Variants in PIEZO2 observed in about 807,000 individuals in gnomAD.
The protein encoded by PIEZO2 is piezo type mechanosensitive ion channel component 2, also known as piezo-type mechanosensitive ion channel component 2.
A neutral mutation model predicts 337.3 loss-of-function variants in PIEZO2; 172 were observed. That is an observed-to-expected ratio of 0.51 (90% CI 0.45 to 0.58). The LOEUF (loss-of-function observed/expected upper bound fraction) is 0.58. PIEZO2 is among the 20% of genes least tolerant of loss of function. The pLI is 0.00. For synonymous variants in PIEZO2, 1,251 were observed against 1,228.5 expected, an observed-to-expected ratio of 1.02 and a Z score of -0.38; for missense variants, 3,028 against 3,391.3, an observed-to-expected ratio of 0.89 and a Z score of 2.66.
chr18:10,727,017 G>C lies in PIEZO2; in HGVS notation c.5029+4390C>G. The C allele has an allele frequency of 1.2e-6, 1 of 819,054 alleles. No individual in the cohort carries two copies. Among genetic ancestry groups the C allele is most frequent in the Non-Finnish European group, 1.9e-6 (1 of 537,820 alleles). 50.7% of individuals were successfully genotyped at this position (819,054 alleles called of 1,614,324 possible). A position where few individuals can be genotyped will look rare whatever the true frequency, so the allele number is the denominator to read the frequency against. ...CCCAGAACATGAAGCTGTTTGCTCT[G>C]TGCTTCCACGGTCTGGGTGTTTCTT... is the stretch of plus-strand genomic sequence containing the variant. On this transcript the variant is annotated intron_variant, in intron 36 of 55. Transcript: ENST00000674853. The surrounding 1 kb of genome is among the most constrained non-coding windows in gnomAD (Gnocchi z 6.3).
intron 2 of PIEZO2, among the ~76,000 whole-genome samples, chr18:11,058,009 C>T (rs1337459514): frequency 2.0e-5 from 3 of 152,162 alleles, no homozygotes; most frequent in African/African-American, 7.2e-5. Context: ...GAGAGCAAAA[C>T]AGTGGATAGC....
intron 36 of PIEZO2, chr18:10,725,389 G>A (rs1247626581): frequency 1.1e-5 from 17 of 1,605,570 alleles, no homozygotes; most frequent in South Asian, 6.6e-5. Flanking sequence ...GAGAACAGCC[G>A]GCCCACATTG....
intron 2 of PIEZO2, among the ~76,000 whole-genome samples, chr18:11,060,216 A>G (rs1443427745): frequency 6.6e-6 from 1 of 152,250 alleles, no homozygotes; most frequent in Non-Finnish European, 1.5e-5. Flanking sequence ...CAACGAGAAC[A>G]AAGACACAAC....
At chr18:10,932,409 CAAAA>C (rs1373808369) in intron 3 of PIEZO2, among the ~76,000 whole-genome samples, 2 of 151,832 alleles carry the variant, frequency 1.3e-5, no homozygotes, top group African/African-American at 2.4e-5. Flanking sequence ...CAAAACAAAA[CAAAA>C]AACCCACATC....
chr18:10,827,793 C>A (rs2040720228), intron 7 of PIEZO2, among the ~76,000 whole-genome samples: 1 of 152,328 alleles, frequency 6.6e-6, no homozygotes, highest in Non-Finnish European at 1.5e-5. Flanking sequence ...CTTCTCTCTA[C>A]CTGTCCTACT....
At chr18:11,060,307 A>G (rs2037896600) in intron 2 of PIEZO2, among the ~76,000 whole-genome samples, 1 of 152,232 alleles carries the variant, frequency 6.6e-6, no homozygotes, top group South Asian at 2.1e-4. Context: ...AGAAAGCAGG[A>G]AAGTTCTAAA....
chr18:10,724,897 C>T lies in PIEZO2; in HGVS notation c.5029+6510G>A. The T allele has an allele frequency of 1.9e-6, 3 of 1,609,022 alleles. No individual in the cohort carries two copies. The highest frequency in any genetic ancestry group is 1.3e-5 in the African/African-American group (1 of 74,944). Reference sequence around the variant, plus strand: ...TGTAAATAGTACTGGCCGGCGGGGGCGTGGCACCCTGGGACAGCCTCCACC... The same window carrying T: ...TGTAAATAGTACTGGCCGGCGGGGGTGTGGCACCCTGGGACAGCCTCCACC... On this transcript the variant is annotated intron_variant, in intron 36 of 55. Transcript: ENST00000674853. This position sits in a 1 kb window ranked among gnomAD's most constrained non-coding sequence, Gnocchi z 5.8.
Position 10,800,413 on chromosome 18 carries a change from G to A in PIEZO2, c.1302C>T (p.Pro434=). 6.5e-7 allele frequency: 1 copy of A among 1,536,368 alleles called. No individual in the cohort carries two copies. Among genetic ancestry groups the A allele is most frequent in the Non-Finnish European group, 8.7e-7 (1 of 1,146,512 alleles). Reference sequence around the variant, plus strand: ...CGGCTTTGCCAGGGCCGTTCTCCATGGGCAGGCTTGGGTGGATGGTGTGGT... The same window carrying A: ...CGGCTTTGCCAGGGCCGTTCTCCATAGGCAGGCTTGGGTGGATGGTGTGGT... The part of the protein sequence containing the change: ...VDYHTIHPSL[P]MENGPGKADL... Residue 434 remains proline, a synonymous_variant, in exon 11 of 56, where the codon CCC becomes CCT. Transcript: ENST00000674853.
intron 4 of PIEZO2, among the ~76,000 whole-genome samples, chr18:10,900,487 C>A (rs996813520): frequency 2.6e-5 from 4 of 152,116 alleles, no homozygotes; most frequent in African/African-American, 9.7e-5. Flanking sequence ...TGATGAAATG[C>A]AGATATCTCA....
intron 55 of PIEZO2, 64 bp from the exon 56 acceptor site, chr18:10,671,843 G>A: frequency 7.3e-7 from 1 of 1,363,220 alleles, no homozygotes; most frequent in South Asian, 1.7e-5. Flanking sequence ...AGAAAAGCAT[G>A]TCTAAAAGAA....
chr18:10,789,692 A>G (rs2039346798), intron 14 of PIEZO2, among the ~76,000 whole-genome samples: 1 of 152,240 alleles, frequency 6.6e-6, no homozygotes, highest in East Asian at 1.9e-4. Flanking sequence ...ACAAATCTAA[A>G]TGACTATATC....
rs571062541 is a variant in PIEZO2 at position 10,969,710 on chromosome 18, C to G, written c.286+9825G>C. Among the ~76,000 whole-genome samples the G allele has an allele frequency of 6.6e-6, 1 of 151,922 alleles. No homozygotes were observed. Among genetic ancestry groups the G allele is most frequent in the South Asian group, 2.1e-4 (1 of 4,816 alleles). On this transcript the variant is annotated intron_variant, in intron 3 of 55. Transcript: ENST00000674853. The surrounding 1 kb of genome is among the most constrained non-coding windows in gnomAD (Gnocchi z 4.5). ...AAAGATGAGAAATGGGAACAACTAT[C>G]TGAGCAGGATTTGGGGTATGCACCT...
At chr18:11,046,992 T>C (rs1340517865) in intron 2 of PIEZO2, among the ~76,000 whole-genome samples, 4 of 152,240 alleles carry the variant, frequency 2.6e-5, no homozygotes. Context: ...AGCCCACTCA[T>C]GGGACTCCTT....
intron 9 of PIEZO2, among the ~76,000 whole-genome samples, chr18:10,801,879 G>T (rs2039828818): frequency 2.0e-5 from 3 of 152,026 alleles, no homozygotes; most frequent in African/African-American, 7.2e-5. Flanking sequence ...GAGGCCAGGG[G>T]ATCGAGACCA....
chr18:10,749,032 A>C (rs1048486136), intron 29 of PIEZO2, among the ~76,000 whole-genome samples: 1 of 152,198 alleles, frequency 6.6e-6, no homozygotes, highest in African/African-American at 2.4e-5. Context: ...TAACCAGCAG[A>C]ATAATGAGCA....
rs1282862570 is a variant in PIEZO2, at chr18:11,069,036, TC to T, written c.65-2815del. On this transcript the variant is annotated intron_variant, in intron 1 of 55. Coordinates refer to ENST00000674853, the MANE Select transcript of PIEZO2 (RefSeq NM_001378183.1). The surrounding 1 kb of genome is among the most constrained non-coding windows in gnomAD (Gnocchi z 4.9). ...AGATTGGAATCGGTGATAAAAAGTC[TC>T]CCCTCAAAAATAAATGAATAAATAA... 1.3e-5 allele frequency among the ~76,000 whole-genome samples: 2 copies of T among 151,632 alleles called. No individual in the cohort carries two copies. Among genetic ancestry groups the T allele is most frequent in the South Asian group, 4.2e-4 (2 of 4,814 alleles).
In PIEZO2 at chr18:10,773,890, T is replaced by C; in HGVS notation, c.2567+116A>G. 1.5e-6 allele frequency: 1 copy of C among 649,896 alleles called. No individual in the cohort carries two copies. 40.3% of individuals were successfully genotyped at this position (649,896 alleles called of 1,614,324 possible). On this transcript the variant is annotated intron_variant, in intron 19 of 55. Coordinates refer to ENST00000674853, the MANE Select transcript of PIEZO2 (RefSeq NM_001378183.1). This position sits in a 1 kb window ranked among gnomAD's most constrained non-coding sequence, Gnocchi z 5.3. ...AGTGATTAGTTGGTAATGAGAGCTA[T>C]CAACACCTAAACTTGACATTTTTCC...
At chr18:10,778,728 G>A (rs891302411) in intron 18 of PIEZO2, among the ~76,000 whole-genome samples, 2 of 152,122 alleles carry the variant, frequency 1.3e-5, no homozygotes, top group Admixed American at 1.3e-4. Flanking sequence ...GGTCATTTGG[G>A]GTGACTTTGA....
chr18:10,975,020 A>G (rs2034389929), intron 3 of PIEZO2, among the ~76,000 whole-genome samples: 1 of 152,244 alleles, frequency 6.6e-6, no homozygotes, highest in Non-Finnish European at 1.5e-5. Context: ...GCTTGGATAC[A>G]GAGAGTGCCT....
Sources: gnomAD v4.1 joint callset for allele counts (sites outside exome capture counted in the v4.1 genomes callset) on GRCh38, gnomAD v4.1.1 for gene constraint, Gnocchi (gnomAD v3.1) non-coding constraint, MANE v1.5 for transcripts, NCBI Gene and HGNC (gene_info 2026-07-23, HGNC 2026-07-21) for gene names.